The following EXT2 variants were observed in gnomAD, a reference collection of about 807,000 sequenced individuals.
The protein encoded by EXT2 is exostosin glycosyltransferase 2.
Under a neutral mutation model 81.6 loss-of-function variants are expected in EXT2, and 53 were observed. That is an observed-to-expected ratio of 0.65 (90% CI 0.52 to 0.82). The LOEUF (loss-of-function observed/expected upper bound fraction) is 0.82. Among genes scored for constraint, EXT2 ranks in the 40% least tolerant of loss-of-function variants. The pLI is 0.00. For synonymous variants in EXT2, 320 were observed against 340.0 expected (o/e 0.94, Z 0.65); for missense variants, 774 against 910.2 (o/e 0.85, Z 1.93).
Position 44,234,259 on chromosome 11 carries a change from A to G in EXT2, c.1935+16A>G, listed in dbSNP as rs1310191705. 2 of 1,612,708 alleles carry G rather than the reference A, an allele frequency of 1.2e-6. No homozygotes were observed. The highest frequency in any genetic ancestry group is 1.1e-5 in the South Asian group (1 of 90,916). On this transcript the variant is annotated intron_variant, in intron 12 of 13. Coordinates refer to ENST00000533608, the MANE Select transcript of EXT2 (RefSeq NM_207122.2). ...AGTTATCAAGGTAGGAGGCTCTGCC[A>G]CTCACTTGCTTTGTGATCTTGGGCA...
chr11:44,195,184 C>T (rs145946099), intron 8 of EXT2, among the ~76,000 whole-genome samples: 3 of 152,186 alleles, frequency 2.0e-5, no homozygotes, highest in Admixed American at 1.3e-4. Context: ...CCTGTAATCC[C>T]AGCACTTTGG....
intron 8 of EXT2, among the ~76,000 whole-genome samples, chr11:44,188,905 A>G (rs542392218): frequency 8.5e-5 from 13 of 152,300 alleles, no homozygotes; most frequent in Middle Eastern, 3.4e-3. Context: ...ATTTTCCACA[A>G]TTGTTGAATG....
chr11:44,135,058 C>A (rs1260681950), intron 7 of EXT2, among the ~76,000 whole-genome samples: 1 of 152,150 alleles, frequency 6.6e-6, no homozygotes, highest in Non-Finnish European at 1.5e-5. Context: ...ATGTAGTGGG[C>A]TGATTAGGAA....
rs1274821943 is a variant in EXT2, at chr11:44,246,077, T to A, written c.*1790T>A. ...TTTTGGTCTCATGTATTCATAATATTGGGGACGATATGGTAGAAAGCCAGG... is the reference window on the plus strand; with the variant it reads ...TTTTGGTCTCATGTATTCATAATATAGGGGACGATATGGTAGAAAGCCAGG... On this transcript the variant is annotated 3_prime_UTR_variant, in exon 14 of 14. Coordinates refer to ENST00000533608, the MANE Select transcript of EXT2 (RefSeq NM_207122.2). 6.6e-6 allele frequency among the ~76,000 whole-genome samples: 1 copy of A among 152,228 alleles called. No homozygotes were observed. The highest frequency in any genetic ancestry group is 1.5e-5 in the Non-Finnish European group (1 of 68,048).
intron 9 of EXT2, among the ~76,000 whole-genome samples, chr11:44,200,570 C>G (rs1405682976): frequency 6.6e-6 from 1 of 152,124 alleles, no homozygotes; most frequent in Admixed American, 6.5e-5. Flanking sequence ...CCTTAGCAGG[C>G]AGGGTGGGGT....
intron 9 of EXT2, among the ~76,000 whole-genome samples, chr11:44,199,513 T>G (rs1457189810): frequency 6.6e-6 from 1 of 152,266 alleles, no homozygotes; most frequent in Non-Finnish European, 1.5e-5. Context: ...TATTTGCTCC[T>G]GCATGGAAAG....
At position 44,208,904 on chromosome 11, in the gene EXT2, G is replaced by A. The variant is rs377273994; in HGVS notation, c.1662+1945G>A. ...TGCCAGAGATCAGTGGTCCTCAGAA[G>A]TAGTACTTACAGCCATCAGCATATC... On this transcript the variant is annotated intron_variant, in intron 10 of 13. Coordinates refer to ENST00000533608, the MANE Select transcript of EXT2 (RefSeq NM_207122.2). Among the ~76,000 whole-genome samples, 32 of 152,304 alleles carry A rather than the reference G, an allele frequency of 2.1e-4. No individual in the cohort carries two copies. The East Asian group carries it at 3.5e-3, about 17-fold the overall frequency.
chr11:44,143,499 C>T (rs530591780), intron 7 of EXT2, among the ~76,000 whole-genome samples: 3 of 152,164 alleles, frequency 2.0e-5, no homozygotes, highest in East Asian at 3.9e-4. Flanking sequence ...AGGTGTTTGT[C>T]GTCCTTCAGA....
chr11:44,187,819 C>T (rs773631661), intron 8 of EXT2, among the ~76,000 whole-genome samples: 20 of 152,142 alleles, frequency 1.3e-4, no homozygotes, highest in Non-Finnish European at 2.9e-4. Context: ...AAGGCCCATC[C>T]ACTGATCACC....
intron 8 of EXT2, among the ~76,000 whole-genome samples, chr11:44,194,799 CT>C (rs1253881739): frequency 6.6e-6 from 1 of 152,022 alleles, no homozygotes; most frequent in African/African-American, 2.4e-5. Context: ...TTAAAGGAAT[CT>C]TTTTGTTTCT....
intron 6 of EXT2, 132 bp downstream of exon 6, chr11:44,127,087 G>A: frequency 2.4e-6 from 3 of 1,244,644 alleles, no homozygotes; most frequent in Non-Finnish European, 1.2e-6. Flanking sequence ...TTTTCCATTA[G>A]GAGAGTTAGT....
intron 10 of EXT2, among the ~76,000 whole-genome samples, chr11:44,219,898 C>G (rs1180665526): frequency 1.3e-5 from 2 of 152,356 alleles, no homozygotes; most frequent in East Asian, 1.9e-4. Flanking sequence ...GAAAGTATTT[C>G]AGCTTTCAGT....
At chr11:44,215,462 T>C (rs972119229) in intron 10 of EXT2, among the ~76,000 whole-genome samples, 1 of 152,260 alleles carries the variant, frequency 6.6e-6, no homozygotes, top group African/African-American at 2.4e-5. Context: ...GAAAATATAC[T>C]CTACGATTTT....
Position 44,249,632 on chromosome 11 carries a change from C to T in EXT2, c.*5345C>T, listed in dbSNP as rs1956123920. ...CTTATAGCTGCAAATATATCATTGG[C>T]TACTATACCCAAGCATCAACTCAAG... is the stretch of plus-strand genomic sequence containing the variant. On this transcript the variant is annotated 3_prime_UTR_variant, in exon 14 of 14. Coordinates refer to ENST00000533608, the MANE Select transcript of EXT2 (RefSeq NM_207122.2). Among the ~76,000 whole-genome samples the T allele has an allele frequency of 6.6e-6, 1 of 152,200 alleles. No homozygotes were observed. Among genetic ancestry groups the T allele is most frequent in the South Asian group, 2.1e-4 (1 of 4,832 alleles).
chr11:44,121,808 A>G (rs1328013776), intron 4 of EXT2, among the ~76,000 whole-genome samples: 2 of 151,774 alleles, frequency 1.3e-5, no homozygotes, highest in South Asian at 2.1e-4. Context: ...ATGCCCTCCT[A>G]ACCTCACTTG....
At position 44,232,380 on chromosome 11, in the gene EXT2, G is replaced by A. The variant is rs774746844; in HGVS notation, c.1690G>A (p.Val564Met). 1 of 1,613,988 alleles carries A rather than the reference G, an allele frequency of 6.2e-7. No individual in the cohort carries two copies. Among genetic ancestry groups the A allele is most frequent in the East Asian group, 2.2e-5 (1 of 44,866 alleles). ...EVWREFPDRL[V>M]GYPGRLHLWD... is the part of the protein sequence containing the mutation. ...CTGGCGGGAATTTCCTGACCGGTTGGTGGGTTACCCGGGTCGTCTGCATCT... is the reference window on the plus strand; with the variant it reads ...CTGGCGGGAATTTCCTGACCGGTTGATGGGTTACCCGGGTCGTCTGCATCT... The change falls in exon 11 of 14, where the codon GTG becomes ATG. Residue 564 changes from valine to methionine, a missense_variant. By Grantham distance (21) the Val-to-Met change is conservative (BLOSUM62 1). This residue lies in a region of EXT2 where 148 missense variants were observed against 239.7 expected (regional missense o/e 0.62). Coordinates refer to ENST00000533608, the MANE Select transcript of EXT2 (RefSeq NM_207122.2).
chr11:44,109,024 A>G (rs969812632), intron 2 of EXT2, among the ~76,000 whole-genome samples, 170 bp from the exon 3 acceptor site: 1 of 152,192 alleles, frequency 6.6e-6, no homozygotes, highest in African/African-American at 2.4e-5. Flanking sequence ...CCTGTCATGG[A>G]GCCAGACTTG....
At chr11:44,158,247 C>T (rs916037333) in intron 7 of EXT2, among the ~76,000 whole-genome samples, 4 of 152,160 alleles carry the variant, frequency 2.6e-5, no homozygotes, top group Non-Finnish European at 4.4e-5. Context: ...ACATGCACCC[C>T]GAGTCTGCTG....
At chr11:44,181,548 GTCT>G (rs772304756) in intron 8 of EXT2, among the ~76,000 whole-genome samples, 8 of 152,030 alleles carry the variant, frequency 5.3e-5, no homozygotes, top group South Asian at 2.1e-4. Context: ...CCATCTTTCG[GTCT>G]TCTTCTAATT....
Sources: gnomAD v4.1 joint callset for allele counts (sites outside exome capture counted in the v4.1 genomes callset) on GRCh38, gnomAD v4.1.1 for gene constraint, gnomAD v4.1.1 regional missense constraint, MANE v1.5 for transcripts, NCBI Gene and HGNC (gene_info 2026-07-23, HGNC 2026-07-21) for gene names.